The following GPC6 variants were observed in gnomAD, a reference collection of about 807,000 sequenced individuals.
GPC6 encodes glypican 6.
A neutral mutation model predicts 55.2 loss-of-function variants in GPC6; 14 were observed. That is an observed-to-expected ratio of 0.25 (90% CI 0.17 to 0.40). GPC6 has a LOEUF of 0.40. Among genes scored for constraint, GPC6 ranks in the 10% least tolerant of loss-of-function variants. GPC6 has a pLI of 1.00. For synonymous variants in GPC6, 278 were observed against 259.6 expected (o/e 1.07, Z -0.68); for missense variants, 641 against 708.5 (o/e 0.90, Z 1.08).
intron 1 of GPC6, among the ~76,000 whole-genome samples, chr13:93,427,744 A>C (rs1161701619): frequency 6.6e-6 from 1 of 152,122 alleles, no homozygotes; most frequent in Non-Finnish European, 1.5e-5. Flanking sequence ...AGCCCCTAGC[A>C]CAGCAATAGC....
intron 2 of GPC6, among the ~76,000 whole-genome samples, chr13:93,584,565 TA>T (rs1877099728): frequency 6.6e-6 from 1 of 151,666 alleles, no homozygotes; most frequent in African/African-American, 2.4e-5. Flanking sequence ...ATAGCCCACA[TA>T]AAGAAAAGCT....
intron 5 of GPC6, among the ~76,000 whole-genome samples, chr13:94,293,978 C>A (rs1213569845): frequency 1.3e-5 from 2 of 152,180 alleles, no homozygotes; most frequent in Admixed American, 1.3e-4. Context: ...CAAGCCCCAA[C>A]CAAGCTTACT....
At chr13:94,033,778 AT>A (rs1883224685) in intron 4 of GPC6, among the ~76,000 whole-genome samples, 1 of 152,162 alleles carries the variant, frequency 6.6e-6, no homozygotes. Context: ...ATAGAAAATG[AT>A]TTCCTTTAAA....
At chr13:93,971,343 A>G (rs1566628286) in intron 3 of GPC6, among the ~76,000 whole-genome samples, 1 of 152,214 alleles carries the variant, frequency 6.6e-6, no homozygotes, top group Non-Finnish European at 1.5e-5. Flanking sequence ...GTGTATGGTG[A>G]ACTTTGGAAG....
chr13:94,335,476 A>G (rs1042858943), intron 6 of GPC6, among the ~76,000 whole-genome samples: 3 of 152,206 alleles, frequency 2.0e-5, no homozygotes, highest in Non-Finnish European at 2.9e-5. Context: ...CTTTACGAAT[A>G]ACACACATAA....
In GPC6 at chr13:93,651,887, A is replaced by G. The variant is rs148358399; in HGVS notation, c.319+106466A>G. On this transcript the variant is annotated intron_variant, in intron 2 of 8. Coordinates refer to ENST00000377047, the MANE Select transcript of GPC6 (RefSeq NM_005708.5). Reference sequence around the variant, plus strand: ...TATTCCACTCCAGACCAATTAAATCAGAATCCCTGGGCATAGGGCCTGTAC... The same window carrying G: ...TATTCCACTCCAGACCAATTAAATCGGAATCCCTGGGCATAGGGCCTGTAC... 4.9e-3 allele frequency among the ~76,000 whole-genome samples: 748 copies of G among 152,300 alleles called. 6 individuals are homozygous for G. The highest frequency in any genetic ancestry group is 0.017 in the African/African-American group (691 of 41,568).
At chr13:93,393,894 C>T (rs188321429) in intron 1 of GPC6, among the ~76,000 whole-genome samples, 5 of 151,934 alleles carry the variant, frequency 3.3e-5, no homozygotes, top group East Asian at 1.9e-4. Context: ...TCCTTCCTCA[C>T]TTTTTATATA....
At chr13:93,424,293 G>A (rs778918773) in intron 1 of GPC6, among the ~76,000 whole-genome samples, 14 of 152,118 alleles carry the variant, frequency 9.2e-5, no homozygotes, top group Admixed American at 2.0e-4. Context: ...CTCAGCCCTC[G>A]TGCCCCAGCA....
chr13:93,927,395 A>T (rs943743965), intron 3 of GPC6, among the ~76,000 whole-genome samples: 7 of 152,264 alleles, frequency 4.6e-5, no homozygotes, highest in African/African-American at 1.4e-4. Context: ...AAACTTCTTG[A>T]GGTTAACTTG....
At chr13:93,758,038 A>C (rs1280943339) in intron 2 of GPC6, among the ~76,000 whole-genome samples, 1 of 147,758 alleles carries the variant, frequency 6.8e-6, no homozygotes, top group Admixed American at 6.6e-5. Flanking sequence ...TTTTTTCCTC[A>C]CTTCTAGGCA....
At position 94,083,952 on chromosome 13, in the gene GPC6, C is replaced by T. The variant is rs561758773; in HGVS notation, c.877+56058C>T. 6.6e-5 allele frequency among the ~76,000 whole-genome samples: 10 copies of T among 152,132 alleles called. No individual in the cohort carries two copies. In the East Asian group the frequency reaches 7.7e-4, roughly 12 times the overall value. On this transcript the variant is annotated intron_variant, in intron 4 of 8. Transcript: ENST00000377047. ...TCAGTTACCTAAAACAAGAATGTAACGAGAGAAAGTGGAATAAGGAATAAC... is the reference window on the plus strand; with the variant it reads ...TCAGTTACCTAAAACAAGAATGTAATGAGAGAAAGTGGAATAAGGAATAAC...
chr13:93,638,026 T>C (rs896471754), intron 2 of GPC6, among the ~76,000 whole-genome samples: 6 of 152,024 alleles, frequency 3.9e-5, no homozygotes, highest in Non-Finnish European at 8.8e-5. Flanking sequence ...CTTTCGGAGT[T>C]CACAAATTGC....
chr13:94,400,600 A>T (rs1881082309), intron 8 of GPC6, among the ~76,000 whole-genome samples: 1 of 152,388 alleles, frequency 6.6e-6, no homozygotes, highest in African/African-American at 2.4e-5. Context: ...CATTAAAAAA[A>T]GAAACTGTGC....
chr13:94,384,748 G>A (rs1407509091), intron 7 of GPC6, among the ~76,000 whole-genome samples: 1 of 152,088 alleles, frequency 6.6e-6, no homozygotes, highest in Non-Finnish European at 1.5e-5. Flanking sequence ...GTGAAAGCTG[G>A]GAATCTCCCA....
intron 5 of GPC6, among the ~76,000 whole-genome samples, chr13:94,292,918 A>G (rs1875072172): frequency 6.6e-6 from 1 of 152,174 alleles, no homozygotes; most frequent in South Asian, 2.1e-4. Context: ...AGGCGCATTG[A>G]GATTATTTCC....
intron 4 of GPC6, among the ~76,000 whole-genome samples, chr13:94,104,280 A>T (rs1885974593): frequency 6.6e-6 from 1 of 152,116 alleles, no homozygotes. Context: ...TGTTTTGGTT[A>T]CTGTAGCCTT....
intron 1 of GPC6, among the ~76,000 whole-genome samples, chr13:93,325,540 G>A (rs1028163844): frequency 6.6e-6 from 1 of 152,060 alleles, no homozygotes; most frequent in Admixed American, 6.6e-5. Context: ...CCATTCTAAG[G>A]TGCTGCAGTT....
chr13:93,426,243 A>G (rs1473129902), intron 1 of GPC6, among the ~76,000 whole-genome samples: 1 of 151,780 alleles, frequency 6.6e-6, no homozygotes, highest in Admixed American at 6.6e-5. Flanking sequence ...ATTTTATTTT[A>G]TTATTATTAT....
chr13:93,703,728 T>A (rs1882752246), intron 2 of GPC6, among the ~76,000 whole-genome samples: 1 of 151,974 alleles, frequency 6.6e-6, no homozygotes, highest in South Asian at 2.1e-4. Context: ...TTTAGAACTA[T>A]CTACTTAATA....
Sources: gnomAD v4.1 joint callset for allele counts (sites outside exome capture counted in the v4.1 genomes callset) on GRCh38, gnomAD v4.1.1 for gene constraint, MANE v1.5 for transcripts, NCBI Gene and HGNC (gene_info 2026-07-23, HGNC 2026-07-21) for gene names.